The following CD44 variants were observed in gnomAD, a reference collection of about 807,000 sequenced individuals.
CD44 encodes CD44 molecule (IN blood group), also known as CD44 antigen.
Under a neutral mutation model 88.8 loss-of-function variants are expected in CD44, and 49 were observed. The ratio of observed to expected loss-of-function variants is 0.55; its 90% CI spans 0.44 to 0.70. The LOEUF (loss-of-function observed/expected upper bound fraction) is 0.70, where lower values mean the gene tolerates loss of function less well. CD44 is among the 30% of genes least tolerant of loss of function. The probability of loss-of-function intolerance (pLI) is 0.00; values close to 1 mark genes in which losing one functional copy is unlikely to be tolerated. For synonymous variants in CD44, 325 were observed against 312.3 expected, an observed-to-expected ratio of 1.04 and a Z score of -0.43; for missense variants, 883 against 913.8, an observed-to-expected ratio of 0.97 and a Z score of 0.43.
At chr11:35,176,104 G>A (rs1166890899) in intron 1 of CD44, among the ~76,000 whole-genome samples, 1 of 148,516 alleles carries the variant, frequency 6.7e-6, no homozygotes, top group African/African-American at 2.5e-5. Flanking sequence ...GTGCAGTGGC[G>A]CGATCTCAGC....
At chr11:35,140,612 A>G (rs1297001922) in intron 1 of CD44, among the ~76,000 whole-genome samples, 1 of 152,156 alleles carries the variant, frequency 6.6e-6, no homozygotes, top group Non-Finnish European at 1.5e-5. Context: ...GCTAGGCAGG[A>G]TGAGTTCTCT....
chr11:35,174,423 C>G (rs1319647835), intron 1 of CD44, among the ~76,000 whole-genome samples: 1 of 152,140 alleles, frequency 6.6e-6, no homozygotes, highest in Non-Finnish European at 1.5e-5. Context: ...TAGAGAAGGA[C>G]AGTCATTGAG....
At chr11:35,197,719 C>CA (rs550761818) in intron 6 of CD44, 5,862 of 81,000 alleles carry the variant, frequency 0.072, 151 homozygotes, top group Non-Finnish European at 0.11. Context: ...GTGTCTTGAC[C>CA]AAAAAAAAAA....
chr11:35,160,337 C>T (rs184367003), intron 1 of CD44, among the ~76,000 whole-genome samples: 21 of 152,298 alleles, frequency 1.4e-4, no homozygotes, highest in Admixed American at 1.2e-3. Context: ...CTCATATCTG[C>T]GTGCTGAAAG....
At chr11:35,217,204 C>T (rs939391676) in intron 15 of CD44, among the ~76,000 whole-genome samples, 2 of 151,266 alleles carry the variant, frequency 1.3e-5, no homozygotes, top group East Asian at 3.9e-4. Context: ...GTCTATTGTT[C>T]AAACAGGAGG....
chr11:35,139,209 T>A lies in CD44; in HGVS notation c.-95T>A. The stretch of plus-strand genomic sequence containing the variant: ...GGACCCCAGCCTCTGCCAGGTTCGG[T>A]CCGCCATCCTCGTCCCGTCCTCCGC... On this transcript the variant is annotated 5_prime_UTR_variant, in exon 1 of 18. Coordinates refer to ENST00000428726, the MANE Select transcript of CD44 (RefSeq NM_000610.4). The A allele has an allele frequency of 1.0e-6, 1 of 955,614 alleles. No homozygotes were observed. Among genetic ancestry groups the A allele is most frequent in the Non-Finnish European group, 1.6e-6 (1 of 609,724 alleles). 59.2% of individuals were successfully genotyped at this position (955,614 alleles called of 1,614,324 possible).
At chr11:35,219,112 A>G (rs1382392445) in intron 15 of CD44, 2 of 570,068 alleles carry the variant, frequency 3.5e-6, no homozygotes, top group Non-Finnish European at 6.3e-6. Flanking sequence ...CTTGACACAA[A>G]ATAACATTAC....
At position 35,189,816 on chromosome 11, in the gene CD44, T is replaced by C. The variant is rs377128121; in HGVS notation, c.437-19T>C. The C allele has an allele frequency of 6.5e-7, 1 of 1,541,376 alleles. No individual in the cohort carries two copies. The stretch of plus-strand genomic sequence containing the variant: ...AATATGAGCTGTGAAGTTCTGTAAG[T>C]ACCTTTTCTCTCTCCCAGCTATTGT... On this transcript the variant is annotated intron_variant, in intron 4 of 17. Coordinates refer to ENST00000428726, the MANE Select transcript of CD44 (RefSeq NM_000610.4).
intron 16 of CD44, among the ~76,000 whole-genome samples, chr11:35,219,667 A>G (rs1228696290): frequency 1.3e-5 from 2 of 152,220 alleles, no homozygotes; most frequent in African/African-American, 2.4e-5. Context: ...TAGTTACTAA[A>G]GCTTCCTTCC....
rs574260266 is a variant in CD44 at position 35,173,438 on chromosome 11, C to A, written c.68-3137C>A. 2.6e-5 allele frequency among the ~76,000 whole-genome samples: 4 copies of A among 152,348 alleles called. No homozygotes were observed. In the East Asian group the frequency reaches 7.7e-4, roughly 29 times the overall value. ...GGCCTTATGCATTTCCTTCTCTATC[C>A]TCTCATTGCCCCATCAGCCGAGTGC... On this transcript the variant is annotated intron_variant, in intron 1 of 17. Coordinates refer to ENST00000428726, the MANE Select transcript of CD44 (RefSeq NM_000610.4).
Position 35,206,129 on chromosome 11 carries a change from A to G in CD44, c.1300A>G (p.Ser434Gly). The change falls in exon 11 of 18, where the codon AGC becomes GGC. Residue 434 changes from serine to glycine, a missense_variant. Physicochemically the swap from Ser to Gly is moderately conservative, Grantham distance 56. Coordinates refer to ENST00000428726, the MANE Select transcript of CD44 (RefSeq NM_000610.4). ...TGTAAASAHTSHPMQGRTTPS... is the reference protein window; with the variant it reads ...TGTAAASAHTGHPMQGRTTPS... ...GGTCACAGCAGCCTCAGCTCATACCAGCCATCCAATGCAAGGAAGGACAAC... is the reference window on the plus strand; with the variant it reads ...GGTCACAGCAGCCTCAGCTCATACCGGCCATCCAATGCAAGGAAGGACAAC... 6.2e-7 allele frequency: 1 copy of G among 1,610,688 alleles called. No homozygotes were observed. Among genetic ancestry groups the G allele is most frequent in the South Asian group, 1.1e-5 (1 of 90,544 alleles).
intron 1 of CD44, among the ~76,000 whole-genome samples, chr11:35,143,246 G>T (rs950924545): frequency 2.6e-5 from 4 of 151,858 alleles, no homozygotes; most frequent in African/African-American, 9.7e-5. Context: ...AACATCGCTA[G>T]ATGGTCAGGA....
At chr11:35,143,006 C>T (rs1421941132) in intron 1 of CD44, among the ~76,000 whole-genome samples, 1 of 152,132 alleles carries the variant, frequency 6.6e-6, no homozygotes, top group African/African-American at 2.4e-5. Flanking sequence ...GTGGGAGCCT[C>T]AACCCCACCC....
intron 1 of CD44, among the ~76,000 whole-genome samples, chr11:35,148,680 G>A (rs1420661062): frequency 6.6e-6 from 1 of 152,246 alleles, no homozygotes; most frequent in Non-Finnish European, 1.5e-5. Flanking sequence ...TTAGGGAAAA[G>A]CCCAAACCCT....
intron 5 of CD44, among the ~76,000 whole-genome samples, chr11:35,195,680 A>G (rs1200981605): frequency 6.6e-6 from 1 of 151,888 alleles, no homozygotes; most frequent in Non-Finnish European, 1.5e-5. Flanking sequence ...TATTCTTCCA[A>G]TGCACATTTT....
rs769261800 is a variant in CD44 at position 35,201,194 on chromosome 11, T to C, written c.1035T>C (p.Thr345=). The C allele has an allele frequency of 6.3e-7, 1 of 1,596,332 alleles. No homozygotes were observed. The highest frequency in any genetic ancestry group is 8.6e-7 in the Non-Finnish European group (1 of 1,163,700). ...EVLLQTTTRM[T]DVDRNGTTAY... is the part of the protein sequence containing the mutation. ...TACTTCAGACAACCACAAGGATGAC[T>C]GGTAATGGGTTCTGCATATTTAATG... Residue 345 remains threonine, a splice_region_variant and synonymous_variant, in exon 8 of 18, where the codon ACT becomes ACC. Transcript: ENST00000428726.
rs1554972477 is a variant in CD44, at chr11:35,208,088, A to G, written c.1415-17A>G. ...GTTTGGGAAATCAAGCAATAACACT[A>G]ATATTGATTCCTTCAGATATGGACT... On this transcript the variant is annotated splice_polypyrimidine_tract_variant and intron_variant, in intron 11 of 17. Coordinates refer to ENST00000428726, the MANE Select transcript of CD44 (RefSeq NM_000610.4). 6.9e-7 allele frequency: 1 copy of G among 1,444,014 alleles called. No homozygotes were observed. The highest frequency in any genetic ancestry group is 2.3e-5 in the East Asian group (1 of 43,974). 89.5% of individuals were successfully genotyped at this position (1,444,014 alleles called of 1,614,324 possible).
At chr11:35,152,141 C>T (rs891060329) in intron 1 of CD44, among the ~76,000 whole-genome samples, 1 of 152,242 alleles carries the variant, frequency 6.6e-6, no homozygotes. Context: ...CCACTGGAAG[C>T]TCTTCTGTGC....
Position 35,186,659 on chromosome 11 carries a change from G to A in CD44, c.368-173G>A, listed in dbSNP as rs189325627. On this transcript the variant is annotated intron_variant, in intron 3 of 17. Transcript: ENST00000428726. ...GAAATTTATGAAATCAGGTAAAAAC[G>A]GAAAATCCATCAGGAAAGGCAGAGA... Among the ~76,000 whole-genome samples the A allele has an allele frequency of 6.7e-4, 102 of 152,208 alleles. 1 individual carries two copies. Among genetic ancestry groups the A allele is most frequent in the African/African-American group, 2.4e-3 (100 of 41,532 alleles).
Sources: gnomAD v4.1 joint callset for allele counts (sites outside exome capture counted in the v4.1 genomes callset) on GRCh38, gnomAD v4.1.1 for gene constraint, MANE v1.5 for transcripts, NCBI Gene and HGNC (gene_info 2026-07-23, HGNC 2026-07-21) for gene names.